BACH1: variants seen among roughly 807,000 people sequenced by gnomAD.
BACH1 encodes BTB domain and CNC homolog 1.
In BACH1, 35 loss-of-function variants were observed where a neutral mutation model predicts 52.9. The ratio of observed to expected loss-of-function variants is 0.66; its 90% confidence interval spans 0.51 to 0.88. The LOEUF (loss-of-function observed/expected upper bound fraction) is 0.88. Ranked by LOEUF, BACH1 falls within the 40% of genes least tolerant of loss-of-function variation. The probability of loss-of-function intolerance (pLI) is 0.00; values close to 1 mark genes in which losing one functional copy is unlikely to be tolerated. For synonymous variants in BACH1, 321 were observed against 319.6 expected, an observed-to-expected ratio of 1.00 and a Z score of -0.05; for missense variants, 808 against 872.6, an observed-to-expected ratio of 0.93 and a Z score of 0.93.
downstream of BACH1, among the ~76,000 whole-genome samples, chr21:29,349,091 C>T (rs1019213021): frequency 4.2e-5 from 6 of 144,152 alleles, no homozygotes; most frequent in African/African-American, 1.5e-4. Context: ...GAGACTCCGT[C>T]TCAAAAAAAA....
intron 1 of BACH1, among the ~76,000 whole-genome samples, chr21:29,316,026 T>C (rs1016837657): frequency 3.9e-5 from 6 of 152,132 alleles, no homozygotes; most frequent in Admixed American, 6.5e-5. Flanking sequence ...CCCTTCTACA[T>C]TGAGAATTAA....
At chr21:29,337,958 CA>C (rs563151060) in intron 4 of BACH1, among the ~76,000 whole-genome samples, 4 of 150,370 alleles carry the variant, frequency 2.7e-5, no homozygotes, top group African/African-American at 4.9e-5. Context: ...AAAACAAAAA[CA>C]AAAAAAACGA....
chr21:29,334,148 C>T (rs1303605901), intron 4 of BACH1, among the ~76,000 whole-genome samples: 1 of 151,278 alleles, frequency 6.6e-6, no homozygotes, highest in Non-Finnish European at 1.5e-5. Context: ...TCTTTTCGCC[C>T]AGGCTGGAGG....
chr21:29,347,169 A>AG (rs2089174314), downstream of BACH1, among the ~76,000 whole-genome samples: 1 of 152,230 alleles, frequency 6.6e-6, no homozygotes, highest in South Asian at 2.1e-4. Context: ...AAGTAGGTGA[A>AG]GTCCATATCG....
chr21:29,325,484 A>C (rs950299298), intron 2 of BACH1, among the ~76,000 whole-genome samples: 10 of 152,210 alleles, frequency 6.6e-5, no homozygotes, highest in African/African-American at 2.2e-4. Flanking sequence ...CTCTTAGATC[A>C]CTTTTAAAAA....
chr21:29,349,541 C>T (rs922120277), downstream of BACH1, among the ~76,000 whole-genome samples: 2 of 152,146 alleles, frequency 1.3e-5, no homozygotes, highest in Admixed American at 1.3e-4. Context: ...CATGTTGCAC[C>T]CACTTTCTAG....
chr21:29,338,328 C>T, intron 4 of BACH1, among the ~76,000 whole-genome samples: 1 of 152,058 alleles, frequency 6.6e-6, no homozygotes, highest in South Asian at 2.1e-4. Context: ...ATTTGTGTTA[C>T]CAATTTGGCA....
chr21:29,359,659 A>T (rs920098891), intron 2 of BACH1, among the ~76,000 whole-genome samples: 1 of 152,080 alleles, frequency 6.6e-6, no homozygotes, highest in Non-Finnish European at 1.5e-5. Flanking sequence ...ACTGCATCAG[A>T]CAAACCTGCC....
At chr21:29,358,005 GGTCTGAT>G (rs1361003400) in intron 2 of BACH1, among the ~76,000 whole-genome samples, 1 of 152,098 alleles carries the variant, frequency 6.6e-6, no homozygotes. Context: ...TAGTCCCTGT[GGTCTGAT>G]GTCCACCCCT....
At chr21:29,329,121 A>G (rs1265444859) in intron 3 of BACH1, among the ~76,000 whole-genome samples, 1 of 152,166 alleles carries the variant, frequency 6.6e-6, no homozygotes, top group African/African-American at 2.4e-5. Context: ...CAGCTTGGGC[A>G]ACATGGTAAA....
At chr21:29,356,821 G>A (rs945058191) in intron 2 of BACH1, among the ~76,000 whole-genome samples, 1 of 151,820 alleles carries the variant, frequency 6.6e-6, no homozygotes, top group Non-Finnish European at 1.5e-5. Flanking sequence ...TAATGGAATA[G>A]GGTACACTGT....
chr21:29,333,525 A>G (rs911291537), intron 4 of BACH1, among the ~76,000 whole-genome samples: 2 of 152,198 alleles, frequency 1.3e-5, no homozygotes, highest in African/African-American at 4.8e-5. Context: ...ATAGTGAATG[A>G]CTGGTTGGCT....
chr21:29,336,795 C>A (rs2089050538), intron 4 of BACH1, among the ~76,000 whole-genome samples: 2 of 152,094 alleles, frequency 1.3e-5, no homozygotes, highest in South Asian at 2.1e-4. Flanking sequence ...CCTCAGCCTC[C>A]CGAATAGCTA....
intron 2 of BACH1, chr21:29,361,474 A>G (rs2089271508): frequency 6.6e-6 from 1 of 152,136 alleles, no homozygotes; most frequent in South Asian, 2.1e-4. Context: ...AAAATTGTTA[A>G]TGTTTTGATA....
intron 4 of BACH1, among the ~76,000 whole-genome samples, chr21:29,336,151 C>G (rs2089041480): frequency 6.6e-6 from 1 of 152,130 alleles, no homozygotes; most frequent in Admixed American, 6.5e-5. Context: ...TAATCTAGAA[C>G]AAGTACTCTC....
rs548842984 is a variant in BACH1 at position 29,331,824 on chromosome 21, C to T, written c.1776+2131C>T. On this transcript the variant is annotated intron_variant, in intron 4 of 4. Transcript: ENST00000286800. The stretch of plus-strand genomic sequence containing the variant: ...GAAGAACTTAGAACAATGCCTGGCA[C>T]GTAGTAACTACTCAATAAATACTAT... Among the ~76,000 whole-genome samples the T allele has an allele frequency of 4.6e-5, 7 of 152,214 alleles. 1 individual carries two copies. The South Asian group carries it at 1.2e-3, about 27-fold the overall frequency.
rs777938054 is a variant in BACH1, at chr21:29,326,384, G to A, written c.560G>A (p.Arg187His). 18 of 1,614,042 alleles carry A rather than the reference G, an allele frequency of 1.1e-5. No homozygotes were observed. Among genetic ancestry groups the A allele is most frequent in the East Asian group, 1.1e-4 (5 of 44,898 alleles). The change falls in exon 3 of 5, where the codon CGC becomes CAC. Residue 187 changes from arginine (R) to histidine (H), a missense_variant. Transcript: ENST00000286800. ...GTTCAGACTCCTCAGTGTAAACTCC[G>A]CAGGTATCAAGGAAATGCAAAAGCC... ...KNVQTPQCKL[R>H]RYQGNAKASP...
intron 4 of BACH1, among the ~76,000 whole-genome samples, chr21:29,339,245 G>A (rs941586336): frequency 1.4e-4 from 21 of 152,174 alleles, no homozygotes; most frequent in African/African-American, 3.9e-4. Flanking sequence ...AGCAGTATAT[G>A]TGTGTGTGTC....
intron 1 of BACH1, among the ~76,000 whole-genome samples, chr21:29,315,971 G>T (rs1447127934): frequency 6.6e-6 from 1 of 151,794 alleles, no homozygotes. Flanking sequence ...AAAATGTATG[G>T]TAGCCTTTTT....
Sources: allele counts gnomAD v4.1 joint callset (sites outside exome capture counted in the v4.1 genomes callset), GRCh38; gene constraint gnomAD v4.1.1; transcripts MANE v1.5; gene names NCBI Gene and HGNC (gene_info 2026-07-23, HGNC 2026-07-21).